The following COBLL1 variants were observed in gnomAD, a reference collection of about 807,000 sequenced individuals.
COBLL1 encodes the protein cordon-bleu WH2 repeat protein like 1, also known as cordon-bleu protein-like 1.
In COBLL1, 50 loss-of-function variants were observed where a neutral mutation model predicts 94.8. The observed-to-expected ratio is 0.53, with a 90% CI of 0.42 to 0.67. The LOEUF (loss-of-function observed/expected upper bound fraction) is 0.67, where lower values mean the gene tolerates loss of function less well. Among genes scored for constraint, COBLL1 ranks in the 30% least tolerant of loss-of-function variants. COBLL1 has a pLI of 0.00. For missense variants in COBLL1, 1,362 were observed against 1,348.7 expected (o/e 1.01, Z -0.15); for synonymous variants, 448 against 473.8 (o/e 0.95, Z 0.71).
intron 2 of COBLL1, among the ~76,000 whole-genome samples, chr2:164,835,331 G>A (rs983465183): frequency 8.5e-5 from 13 of 152,132 alleles, no homozygotes; most frequent in Admixed American, 7.9e-4. Context: ...ATATTATTCA[G>A]CTATAAAAAG....
At chr2:164,831,602 G>A (rs894249224) in intron 2 of COBLL1, among the ~76,000 whole-genome samples, 11 of 151,830 alleles carry the variant, frequency 7.2e-5, no homozygotes, top group African/African-American at 2.7e-4. Context: ...CACATTTTAT[G>A]TGGGAGCAAG....
At chr2:164,817,376 A>AG (rs1553481862) in intron 2 of COBLL1, among the ~76,000 whole-genome samples, 22 of 146,360 alleles carry the variant, frequency 1.5e-4, no homozygotes, top group African/African-American at 4.1e-4. Flanking sequence ...AAAAAAAAAA[A>AG]AAGAAGAAGA....
intron 1 of COBLL1, among the ~76,000 whole-genome samples, chr2:164,669,228 T>C (rs937889460): frequency 2.0e-4 from 30 of 152,234 alleles, no homozygotes; most frequent in African/African-American, 6.8e-4. Context: ...TTTCATTCAA[T>C]AGCCTTTGTT....
At chr2:164,704,844 A>T in intron 8 of COBLL1, 108 bp downstream of exon 8, 1 of 1,166,202 alleles carries the variant, frequency 8.6e-7, no homozygotes, top group Admixed American at 2.6e-5. Context: ...GTATTTAAAA[A>T]GCCTAAGTAT....
chr2:164,719,215 A>C (rs945321734), intron 7 of COBLL1, among the ~76,000 whole-genome samples: 5 of 152,180 alleles, frequency 3.3e-5, no homozygotes, highest in Non-Finnish European at 7.3e-5. Context: ...AGAAAAAAAA[A>C]CAAAGATGAA....
intron 2 of COBLL1, among the ~76,000 whole-genome samples, chr2:164,834,564 A>C (rs1683233950): frequency 6.6e-6 from 1 of 152,234 alleles, no homozygotes; most frequent in Non-Finnish European, 1.5e-5. Context: ...TAAATTTTTA[A>C]TTAAACAATT....
At position 164,722,191 on chromosome 2, in the gene COBLL1, G is replaced by A. The variant is rs199807543; in HGVS notation, c.880C>T (p.Arg294Trp). ...TLPSDAPKKR[R>W]APLPPMPASQ... ...GCTGGCATCGGGGGCAGTGGAGCCCGCCTCTTCTTGGGTGCATCCGACGGC... is the reference window on the plus strand; with the variant it reads ...GCTGGCATCGGGGGCAGTGGAGCCCACCTCTTCTTGGGTGCATCCGACGGC... The change falls in exon 7 of 14, where the codon CGG becomes TGG. Residue 294 changes from arginine to tryptophan, a missense_variant. Coordinates refer to ENST00000652658, the MANE Select transcript of COBLL1 (RefSeq NM_001365672.2). 46 of 1,614,094 alleles carry A rather than the reference G, an allele frequency of 2.8e-5. No homozygotes were observed. In the Admixed American group the frequency reaches 5.5e-4, roughly 19 times the overall value.
chr2:164,824,616 C>T (rs954337838), intron 2 of COBLL1, among the ~76,000 whole-genome samples: 5 of 152,144 alleles, frequency 3.3e-5, no homozygotes, highest in African/African-American at 1.2e-4. Context: ...AAAACCTACA[C>T]TTTCCCAAAG....
At chr2:164,717,594 C>T (rs577747804) in intron 7 of COBLL1, among the ~76,000 whole-genome samples, 7 of 152,316 alleles carry the variant, frequency 4.6e-5, no homozygotes, top group African/African-American at 1.2e-4. Flanking sequence ...CACCCTGTCA[C>T]CCAGGCCGGA....
chr2:164,699,526 A>ATGT, intron 10 of COBLL1, 27 bp from the exon 11 acceptor site: 1 of 1,339,216 alleles, frequency 7.5e-7, no homozygotes, highest in Non-Finnish European at 1.1e-6. Flanking sequence ...TGTATGTTAT[A>ATGT]TGTTGATACT....
At chr2:164,697,949 G>A (rs2105438013) in intron 11 of COBLL1, 1 of 152,156 alleles carries the variant, frequency 6.6e-6, no homozygotes, top group East Asian at 1.9e-4. Context: ...AAACTTACAA[G>A]AAGGTGATTT....
chr2:164,839,504 G>T (rs1000211406), intron 2 of COBLL1, among the ~76,000 whole-genome samples: 1 of 152,184 alleles, frequency 6.6e-6, no homozygotes, highest in Non-Finnish European at 1.5e-5. Context: ...GTGTTCTTCT[G>T]TTTCTTCAAC....
intron 2 of COBLL1, among the ~76,000 whole-genome samples, chr2:164,831,686 G>A (rs1315326606): frequency 6.6e-6 from 1 of 151,790 alleles, no homozygotes; most frequent in Non-Finnish European, 1.5e-5. Context: ...ACTGAATCAC[G>A]GATACCTGAG....
rs1276984043 is a variant in COBLL1, at chr2:164,685,237, C to T, written c.*709G>A. 1 of 151,868 alleles carries T rather than the reference C, an allele frequency of 6.6e-6. No individual in the cohort carries two copies. The highest frequency in any genetic ancestry group is 1.5e-5 in the Non-Finnish European group (1 of 67,958). 9.4% of individuals were successfully genotyped at this position (151,868 alleles called of 1,614,324 possible). On this transcript the variant is annotated 3_prime_UTR_variant, in exon 14 of 14. Coordinates refer to ENST00000652658, the MANE Select transcript of COBLL1 (RefSeq NM_001365672.2). The stretch of plus-strand genomic sequence containing the variant: ...CATAAAATGTGTAATTTCTGTGTGA[C>T]AATGTCATAATTATATACAGAAAAT...
At chr2:164,678,373 C>T (rs1194051509), downstream of COBLL1, among the ~76,000 whole-genome samples, 1 of 151,940 alleles carries the variant, frequency 6.6e-6, no homozygotes, top group East Asian at 1.9e-4. Context: ...TTAACTAATA[C>T]AGTTAAAAAA....
At chr2:164,786,870 A>G (rs1688986356) in intron 2 of COBLL1, among the ~76,000 whole-genome samples, 2 of 152,056 alleles carry the variant, frequency 1.3e-5, no homozygotes, top group Admixed American at 6.6e-5. Context: ...GCCTTAATGT[A>G]TCTTGCTTTT....
intron 2 of COBLL1, among the ~76,000 whole-genome samples, chr2:164,776,388 C>A (rs1272421449): frequency 6.6e-6 from 1 of 152,006 alleles, no homozygotes; most frequent in Non-Finnish European, 1.5e-5. Context: ...CTGGTATATA[C>A]AAGCACCCCC....
chr2:164,792,750 C>T (rs1275013174), intron 2 of COBLL1, among the ~76,000 whole-genome samples: 1 of 152,124 alleles, frequency 6.6e-6, no homozygotes. Context: ...TGTATGTATG[C>T]TTTACATCTA....
At chr2:164,716,574 A>C (rs956498068) in intron 7 of COBLL1, among the ~76,000 whole-genome samples, 1 of 152,170 alleles carries the variant, frequency 6.6e-6, no homozygotes, top group Non-Finnish European at 1.5e-5. Flanking sequence ...TAATAGTAAA[A>C]TATGTGTTCT....
Sources: gnomAD v4.1 joint callset for allele counts (sites outside exome capture counted in the v4.1 genomes callset) on GRCh38, gnomAD v4.1.1 for gene constraint, MANE v1.5 for transcripts, NCBI Gene and HGNC (gene_info 2026-07-23, HGNC 2026-07-21) for gene names.